The following NCKAP5 variants were observed in gnomAD, a reference collection of about 807,000 sequenced individuals.
The protein encoded by NCKAP5 is nck-associated protein 5.
NCKAP5 carries 92 observed loss-of-function variants against 167.0 expected under a neutral mutation model. That is an observed-to-expected ratio of 0.55 (90% CI 0.47 to 0.66). NCKAP5 has a LOEUF of 0.66. NCKAP5 is among the 30% of genes least tolerant of loss of function. The pLI, the probability that NCKAP5 is intolerant of heterozygous loss-of-function variation, is 0.00. For missense variants in NCKAP5, 2,378 were observed against 2,315.0 expected (o/e 1.03, Z -0.56); for synonymous variants, 891 against 877.4 (o/e 1.02, Z -0.27).
At chr2:132,809,799 T>C (rs1685720718) in intron 11 of NCKAP5, among the ~76,000 whole-genome samples, 1 of 152,216 alleles carries the variant, frequency 6.6e-6, no homozygotes, top group South Asian at 2.1e-4. Context: ...ATTGCATTTA[T>C]TGGGCTCGTT....
chr2:133,253,874 G>A (rs1387858688), intron 4 of NCKAP5, among the ~76,000 whole-genome samples: 1 of 152,158 alleles, frequency 6.6e-6, no homozygotes, highest in African/African-American at 2.4e-5. Flanking sequence ...CCTACAATGT[G>A]GAGCTCAGAG....
At chr2:133,493,445 G>A (rs1681645269) in intron 3 of NCKAP5, among the ~76,000 whole-genome samples, 1 of 152,176 alleles carries the variant, frequency 6.6e-6, no homozygotes, top group Non-Finnish European at 1.5e-5. Context: ...ATGAAAACTG[G>A]TAATAGTTTG....
intron 5 of NCKAP5, among the ~76,000 whole-genome samples, chr2:133,210,383 AT>A (rs538322668): frequency 1.2e-3 from 185 of 152,122 alleles, no homozygotes; most frequent in African/African-American, 4.3e-3. Context: ...CCTCAATTTA[AT>A]TATATAGCTT....
At chr2:132,771,079 C>T (rs72844802) in intron 16 of NCKAP5, among the ~76,000 whole-genome samples, 16,930 of 142,938 alleles carry the variant, frequency 0.12, 1,028 homozygotes, top group Middle Eastern at 0.16. Context: ...TAGACTGTAC[C>T]CCTTCCATTT....
chr2:133,066,716 T>C (rs1214932177), intron 6 of NCKAP5, among the ~76,000 whole-genome samples: 1 of 152,192 alleles, frequency 6.6e-6, no homozygotes, highest in Non-Finnish European at 1.5e-5. Flanking sequence ...TCAGAAACGT[T>C]AGAATAGCCA....
intron 3 of NCKAP5, among the ~76,000 whole-genome samples, chr2:133,501,824 CTCTAT>C (rs776129497): frequency 1.3e-5 from 2 of 152,192 alleles, no homozygotes; most frequent in African/African-American, 4.8e-5. Context: ...AGAAACCTTA[CTCTAT>C]TCAATTTTTC....
intron 8 of NCKAP5, among the ~76,000 whole-genome samples, chr2:132,904,255 T>C (rs893773530): frequency 6.6e-6 from 1 of 150,984 alleles, no homozygotes; most frequent in Non-Finnish European, 1.5e-5. Flanking sequence ...GCCACTGCAC[T>C]CCAGCCTGGG....
intron 3 of NCKAP5, among the ~76,000 whole-genome samples, chr2:133,516,377 T>C (rs1417611786): frequency 6.6e-6 from 1 of 152,122 alleles, no homozygotes; most frequent in East Asian, 1.9e-4. Context: ...GAGGAGAACC[T>C]GAAATACACC....
intron 16 of NCKAP5, among the ~76,000 whole-genome samples, chr2:132,750,280 C>A (rs1420261658): frequency 6.6e-6 from 1 of 151,964 alleles, no homozygotes; most frequent in Non-Finnish European, 1.5e-5. Context: ...TGAGAAGATG[C>A]AACAATCATT....
At chr2:133,481,397 C>T (rs1295098493) in intron 3 of NCKAP5, among the ~76,000 whole-genome samples, 2 of 152,130 alleles carry the variant, frequency 1.3e-5, no homozygotes, top group East Asian at 3.8e-4. Flanking sequence ...GTGGAGAGAT[C>T]AAGTCAGGGC....
the NCKAP5 span, among the ~76,000 whole-genome samples, chr2:133,574,423 G>A: frequency 2.6e-5 from 4 of 152,144 alleles, no homozygotes; most frequent in African/African-American, 9.7e-5. Flanking sequence ...AGGCTCTGGT[G>A]GCCCTGCTGC....
At chr2:133,283,270 AG>A (rs1175724182) in intron 4 of NCKAP5, among the ~76,000 whole-genome samples, 1 of 152,184 alleles carries the variant, frequency 6.6e-6, no homozygotes, top group African/African-American at 2.4e-5. Context: ...GACCATTTGA[AG>A]GAGGTAGAGG....
At chr2:132,917,576 G>T (rs1452633553) in intron 8 of NCKAP5, among the ~76,000 whole-genome samples, 5 of 152,120 alleles carry the variant, frequency 3.3e-5, no homozygotes, top group African/African-American at 9.7e-5. Context: ...ATTTACAGTT[G>T]CTAACTTGAA....
intron 5 of NCKAP5, among the ~76,000 whole-genome samples, chr2:133,179,234 T>G (rs562277893): frequency 1.4e-3 from 182 of 130,238 alleles, no homozygotes; most frequent in African/African-American, 5.3e-3. Flanking sequence ...CAGATTTGGT[T>G]TTTTTTTTTT....
chr2:132,821,587 G>A (rs1053418734), intron 11 of NCKAP5, among the ~76,000 whole-genome samples: 10 of 152,166 alleles, frequency 6.6e-5, no homozygotes, highest in South Asian at 2.1e-4. Context: ...GTGAGCTAGC[G>A]AAGGAGCTAC....
intron 3 of NCKAP5, among the ~76,000 whole-genome samples, chr2:133,409,306 T>C (rs1487444802): frequency 2.0e-5 from 3 of 152,230 alleles, no homozygotes; most frequent in Non-Finnish European, 4.4e-5. Context: ...TCTGTCCCTT[T>C]AGTGTCTCAC....
intron 5 of NCKAP5, among the ~76,000 whole-genome samples, chr2:133,149,995 C>T (rs1234547960): frequency 6.6e-6 from 1 of 152,124 alleles, no homozygotes; most frequent in Non-Finnish European, 1.5e-5. Flanking sequence ...ATTGTTTATT[C>T]ACTGATAGCC....
At chr2:132,747,171 CAA>C (rs140348727) in intron 16 of NCKAP5, among the ~76,000 whole-genome samples, 4 of 124,206 alleles carry the variant, frequency 3.2e-5, no homozygotes, top group African/African-American at 3.1e-5. Flanking sequence ...CTCAGCCTGC[CAA>C]AAAAAAAAAA....
chr2:133,516,952 A>C (rs929299743), intron 3 of NCKAP5, among the ~76,000 whole-genome samples: 1 of 152,218 alleles, frequency 6.6e-6, no homozygotes, highest in African/African-American at 2.4e-5. Flanking sequence ...AGCAAACCCA[A>C]CCAGGTTGTT....
Sources: gnomAD v4.1 joint callset for allele counts (sites outside exome capture counted in the v4.1 genomes callset) on GRCh38, gnomAD v4.1.1 for gene constraint, MANE v1.5 for transcripts, NCBI Gene and HGNC (gene_info 2026-07-23, HGNC 2026-07-21) for gene names.